CABIN1: variants seen among roughly 807,000 people sequenced by gnomAD.
CABIN1 encodes calcineurin-binding protein cabin-1.
Under a neutral mutation model 227.7 loss-of-function variants are expected in CABIN1, and 133 were observed. The ratio of observed to expected loss-of-function variants is 0.58; its 90% CI spans 0.51 to 0.67. The LOEUF (loss-of-function observed/expected upper bound fraction) is 0.67. Among genes scored for constraint, CABIN1 ranks in the 30% least tolerant of loss-of-function variants. The pLI is 0.00. For missense variants in CABIN1, 2,408 were observed against 2,852.5 expected, an observed-to-expected ratio of 0.84 and a Z score of 3.55; for synonymous variants, 1,086 against 1,155.1, an observed-to-expected ratio of 0.94 and a Z score of 1.21.
At chr22:24,116,578 T>C (rs2043101357) in intron 27 of CABIN1, among the ~76,000 whole-genome samples, 1 of 152,244 alleles carries the variant, frequency 6.6e-6, no homozygotes, top group African/African-American at 2.4e-5. Flanking sequence ...TGGGCTCTTT[T>C]CTCAGGCCAG....
chr22:24,049,072 C>G lies in CABIN1; in HGVS notation c.527-19C>G. The G allele has an allele frequency of 1.2e-6, 2 of 1,613,522 alleles. No individual in the cohort carries two copies. The highest frequency in any genetic ancestry group is 1.7e-6 in the Non-Finnish European group (2 of 1,179,836). On this transcript the variant is annotated intron_variant, in intron 6 of 36. Transcript: ENST00000263119. ...TGAGTGCGGTCTCAGAAGTCATAAA[C>G]TGTCTCTTTCCCCGCCAGCATGTCT...
At chr22:24,091,873 G>A (rs773836105) in intron 24 of CABIN1, 30 bp downstream of exon 24, 7 of 1,610,022 alleles carry the variant, frequency 4.3e-6, no homozygotes, top group Non-Finnish European at 5.9e-6. Context: ...GGGCGGGGAA[G>A]CAGGGCAGGG....
intron 8 of CABIN1, among the ~76,000 whole-genome samples, chr22:24,052,360 C>T (rs1383352560): frequency 5.9e-5 from 9 of 152,066 alleles, no homozygotes; most frequent in African/African-American, 2.2e-4. Context: ...TAGTAATCTC[C>T]ATCTATTCCG....
intron 16 of CABIN1, among the ~76,000 whole-genome samples, chr22:24,068,504 C>T (rs1241597178): frequency 2.6e-5 from 4 of 152,230 alleles, no homozygotes; most frequent in African/African-American, 4.8e-5. Flanking sequence ...GGGGGAGGAA[C>T]TGCTGCTTGG....
intron 24 of CABIN1, among the ~76,000 whole-genome samples, chr22:24,094,641 C>T (rs1403749034): frequency 6.6e-6 from 1 of 151,188 alleles, no homozygotes; most frequent in Non-Finnish European, 1.5e-5. Context: ...CAAGGTGAAA[C>T]CCCGTCTCTA....
chr22:24,175,338 C>G (rs2047045025), intron 34 of CABIN1, among the ~76,000 whole-genome samples: 1 of 152,218 alleles, frequency 6.6e-6, no homozygotes, highest in Admixed American at 6.5e-5. Flanking sequence ...GTCACTCCTG[C>G]TGACCAAGGA....
At chr22:24,156,708 C>G (rs2045845045) in intron 29 of CABIN1, 1 of 152,270 alleles carries the variant, frequency 6.6e-6, no homozygotes, top group Non-Finnish European at 1.5e-5. Flanking sequence ...GTGCGCTGGG[C>G]TAGGACCTTG....
intron 29 of CABIN1, among the ~76,000 whole-genome samples, chr22:24,140,318 T>C (rs917112836): frequency 2.0e-5 from 3 of 152,066 alleles, no homozygotes; most frequent in African/African-American, 7.2e-5. Flanking sequence ...AGCACTGTGG[T>C]TGAACATGAG....
chr22:24,090,297 C>T (rs753891079), intron 23 of CABIN1, among the ~76,000 whole-genome samples: 2 of 152,142 alleles, frequency 1.3e-5, no homozygotes, highest in African/African-American at 2.4e-5. Context: ...ACAGGGTGGG[C>T]AGGGGGGCTA....
intron 29 of CABIN1, among the ~76,000 whole-genome samples, chr22:24,143,239 A>G (rs1354594371): frequency 1.3e-5 from 2 of 152,196 alleles, no homozygotes; most frequent in African/African-American, 4.8e-5. Flanking sequence ...GGATTGGCCC[A>G]GCTGTCCTAG....
intron 1 of CABIN1, among the ~76,000 whole-genome samples, chr22:24,025,978 C>T (rs2036059358): frequency 6.6e-6 from 1 of 151,910 alleles, no homozygotes; most frequent in Non-Finnish European, 1.5e-5. Flanking sequence ...GAACAACAGG[C>T]ATGTGCCTCC....
chr22:24,015,492 C>T (rs1272834648), intron 1 of CABIN1, among the ~76,000 whole-genome samples: 1 of 151,184 alleles, frequency 6.6e-6, no homozygotes, highest in Non-Finnish European at 1.5e-5. Context: ...CTACAGGCGC[C>T]CACCACCGCG....
chr22:24,067,826 T>G (rs2039797941), intron 16 of CABIN1, among the ~76,000 whole-genome samples: 1 of 152,194 alleles, frequency 6.6e-6, no homozygotes, highest in Non-Finnish European at 1.5e-5. Context: ...AGGTAATGTG[T>G]GTTGGCACCA....
intron 12 of CABIN1, among the ~76,000 whole-genome samples, chr22:24,061,722 CG>C (rs2039206424): frequency 6.6e-6 from 1 of 152,240 alleles, no homozygotes; most frequent in Admixed American, 6.5e-5. Context: ...CTCTGAAGAC[CG>C]GTCTCCTGGC....
At chr22:24,071,319 C>T (rs371803351) in intron 17 of CABIN1, 8 of 493,424 alleles carry the variant, frequency 1.6e-5, no homozygotes, top group South Asian at 2.0e-5. Flanking sequence ...AATAACCTCA[C>T]GGGGAGGCCC....
In CABIN1 at chr22:24,164,465, C is replaced by T; in HGVS notation, c.4812C>T (p.Arg1604=). ...GCAGCTTTGCCTGGCACATGAACCG[C>T]TCCATCGTGCTGCTGCTCAAGGTGC... ...RPGSFAWHMN[R]SIVLLLKVLA... is the part of the protein sequence containing the mutation. The change falls in exon 30 of 37, where the codon CGC becomes CGT. Residue 1604 remains arginine (R), a synonymous_variant. Coordinates refer to ENST00000263119, the MANE Select transcript of CABIN1 (RefSeq NM_012295.4). The T allele has an allele frequency of 6.2e-7, 1 of 1,605,956 alleles. No individual in the cohort carries two copies. Among genetic ancestry groups the T allele is most frequent in the South Asian group, 1.1e-5 (1 of 91,086 alleles).
Position 24,177,485 on chromosome 22 carries a change from TG to T in CABIN1, c.6206-17del. The T allele has an allele frequency of 6.6e-7, 1 of 1,517,644 alleles. No homozygotes were observed. The highest frequency in any genetic ancestry group is 1.3e-5 in the South Asian group (1 of 76,858). 94.0% of individuals were successfully genotyped at this position (1,517,644 alleles called of 1,614,324 possible). ...TGATGCGGCAGGCAGGAAGTGCTCTTGGTACCTTTGTCTTCCAGAGGGGAAA... is the reference window on the plus strand; with the variant it reads ...TGATGCGGCAGGCAGGAAGTGCTCTTGTACCTTTGTCTTCCAGAGGGGAAA... On this transcript the variant is annotated intron_variant, in intron 35 of 36. Transcript: ENST00000263119. This position sits in a 1 kb window ranked among gnomAD's most constrained non-coding sequence, Gnocchi z 4.4.
In CABIN1 at chr22:24,113,556, C is replaced by T. The variant is rs371067574; in HGVS notation, c.4118-10C>T. 7.6e-5 allele frequency: 122 copies of T among 1,613,704 alleles called. No individual in the cohort carries two copies. In the Middle Eastern group the frequency reaches 1.2e-3, roughly 16 times the overall value. ...ATGCTCTCGCCCTCTCTTCCTCCTT[C>T]TCCCCTCAGACCGAAGCCAGGACAG... On this transcript the variant is annotated splice_polypyrimidine_tract_variant and intron_variant, in intron 26 of 36. Coordinates refer to ENST00000263119, the MANE Select transcript of CABIN1 (RefSeq NM_012295.4).
chr22:24,076,293 T>G lies in CABIN1; in HGVS notation c.2748+9T>G. The G allele has an allele frequency of 6.2e-7, 1 of 1,603,960 alleles. No individual in the cohort carries two copies. The highest frequency in any genetic ancestry group is 8.5e-7 in the Non-Finnish European group (1 of 1,170,706). On this transcript the variant is annotated intron_variant, in intron 19 of 36. Coordinates refer to ENST00000263119, the MANE Select transcript of CABIN1 (RefSeq NM_012295.4). ...CTCTGCTGCGATTCTATGTAAGTGC[T>G]TCCCCTTGGGCTGCAGACTGCCAGT...
Sources: allele counts gnomAD v4.1 joint callset (sites outside exome capture counted in the v4.1 genomes callset), GRCh38; gene constraint gnomAD v4.1.1; non-coding constraint Gnocchi (gnomAD v3.1); transcripts MANE v1.5; gene names NCBI Gene and HGNC (gene_info 2026-07-23, HGNC 2026-07-21).